Variants in MSR1 observed in about 807,000 individuals in gnomAD.
MSR1 encodes macrophage scavenger receptor types I and II.
Under a neutral mutation model 47.2 loss-of-function variants are expected in MSR1, and 53 were observed. The ratio of observed to expected loss-of-function variants is 1.12; its 90% CI spans 0.90 to 1.41. The LOEUF (loss-of-function observed/expected upper bound fraction) is 1.41, where lower values mean the gene tolerates loss of function less well. MSR1 is among the 40% of genes most tolerant of loss of function. MSR1 has a pLI of 0.00. For missense variants in MSR1, 786 were observed against 546.9 expected, an observed-to-expected ratio of 1.44 and a Z score of -4.36; for synonymous variants, 239 against 185.6, an observed-to-expected ratio of 1.29 and a Z score of -2.34.
chr8:16,149,420 G>A (rs568312053), intron 7 of MSR1, among the ~76,000 whole-genome samples: 1 of 151,794 alleles, frequency 6.6e-6, no homozygotes, highest in Non-Finnish European at 1.5e-5. Context: ...TTAGAGACAG[G>A]GCCTCACTAT....
At chr8:16,156,235 T>C (rs1385126804) in intron 5 of MSR1, among the ~76,000 whole-genome samples, 1 of 151,994 alleles carries the variant, frequency 6.6e-6, no homozygotes, top group Admixed American at 6.6e-5. Flanking sequence ...AATTGCTAGT[T>C]TGGACACATA....
At chr8:16,171,315 CAGTT>C (rs1361317528) in intron 3 of MSR1, among the ~76,000 whole-genome samples, 3 of 150,698 alleles carry the variant, frequency 2.0e-5, no homozygotes, top group Non-Finnish European at 4.4e-5. Flanking sequence ...CCTAAATATG[CAGTT>C]AAATTCTAAT....
intron 1 of MSR1, chr8:16,186,320 C>G (rs1208762924): frequency 1.2e-6 from 1 of 848,586 alleles, no homozygotes; most frequent in African/African-American, 1.7e-5. Flanking sequence ...TTTTCACTCC[C>G]TTGGTGATCT....
At chr8:16,160,373 A>T (rs1484405327) in intron 5 of MSR1, among the ~76,000 whole-genome samples, 1 of 152,098 alleles carries the variant, frequency 6.6e-6, no homozygotes, top group African/African-American at 2.4e-5. Flanking sequence ...TATAGAGTGT[A>T]ACTTGCTAAG....
chr8:16,126,281 C>G (rs1800126478), intron 8 of MSR1, among the ~76,000 whole-genome samples: 2 of 152,112 alleles, frequency 1.3e-5, no homozygotes, highest in Non-Finnish European at 2.9e-5. Flanking sequence ...GTGTCAATTA[C>G]CACTACTCAG....
intron 1 of MSR1, among the ~76,000 whole-genome samples, chr8:16,187,231 C>G (rs1018565459): frequency 6.6e-6 from 1 of 151,380 alleles, no homozygotes; most frequent in African/African-American, 2.4e-5. Context: ...AGTGTGGTGG[C>G]GGGTACCTCT....
chr8:16,168,447 C>T lies in MSR1; in HGVS notation c.630+11G>A. On this transcript the variant is annotated intron_variant, in intron 4 of 9. Transcript: ENST00000262101. ...TTCCAGCAAGTGACCTTGCAGTCCA[C>T]AAACTCTTACCTCTTGTTGTTTGAA... is the stretch of plus-strand genomic sequence containing the variant. 1.2e-6 allele frequency: 2 copies of T among 1,614,004 alleles called. No homozygotes were observed. The highest frequency in any genetic ancestry group is 8.5e-7 in the Non-Finnish European group (1 of 1,179,966).
intron 1 of MSR1, among the ~76,000 whole-genome samples, chr8:16,187,929 T>C (rs1232815805): frequency 6.6e-6 from 1 of 152,298 alleles, no homozygotes; most frequent in East Asian, 1.9e-4. Flanking sequence ...ATTGTAATTT[T>C]TTAGTAACGT....
chr8:16,150,616 A>G (rs1800829897), intron 6 of MSR1, among the ~76,000 whole-genome samples: 1 of 152,098 alleles, frequency 6.6e-6, no homozygotes, highest in Non-Finnish European at 1.5e-5. Flanking sequence ...TCAACCAGTA[A>G]TCATCAAATG....
rs776446066 is a variant in MSR1 at position 16,177,844 on chromosome 8, C to CT, written c.103+41dup. 4 of 1,504,850 alleles carry CT rather than the reference C, an allele frequency of 2.7e-6. 1 individual carries two copies. In the South Asian group the frequency reaches 3.4e-5, roughly 13 times the overall value. The allele number at this position is 1,504,850 out of a possible 1,614,324, so 93.2% of individuals were successfully genotyped here. A position where few individuals can be genotyped will look rare whatever the true frequency, so the allele number is the denominator to read the frequency against. The stretch of plus-strand genomic sequence containing the variant: ...ATAATTTTATATTTTGTCAATAACT[C>CT]TAAGAACAACCTCCATGGGCAGCCC... On this transcript the variant is annotated intron_variant, in intron 2 of 9. Transcript: ENST00000262101.
Position 16,177,960 on chromosome 8 carries a change from T to A in MSR1, c.29A>T (p.Gln10Leu). The A allele has an allele frequency of 1.2e-6, 2 of 1,613,928 alleles. No homozygotes were observed. Among genetic ancestry groups the A allele is most frequent in the Non-Finnish European group, 1.7e-6 (2 of 1,179,912 alleles). The change falls in exon 2 of 10, where the codon CAA (glutamine) becomes CTA (leucine). Residue 10 changes from glutamine to leucine, a missense_variant. Gln to Leu is a moderately radical substitution (Grantham distance 113). Transcript: ENST00000262101. ...GGAGCAGCTATCAGTGTCCTCCTGT[T>A]GATTGTGAAAGTGATCCCACTGCTC... The part of the protein sequence containing the change: MEQWDHFHN[Q>L]QEDTDSCSES...
intron 2 of MSR1, among the ~76,000 whole-genome samples, chr8:16,177,486 C>T (rs1179497177): frequency 6.6e-6 from 1 of 151,898 alleles, no homozygotes; most frequent in Non-Finnish European, 1.5e-5. Flanking sequence ...CTGACACCTG[C>T]ATTTTAGACT....
At chr8:16,140,305 C>G (rs1800520371) in intron 8 of MSR1, 1 of 984,640 alleles carries the variant, frequency 1.0e-6, no homozygotes, top group African/African-American at 1.8e-5. Context: ...AAAAAAAAGC[C>G]CTTGACTCAG....
chr8:16,118,472 T>C (rs530504152), intron 9 of MSR1, among the ~76,000 whole-genome samples: 22 of 152,278 alleles, frequency 1.4e-4, no homozygotes, highest in Admixed American at 1.2e-3. Flanking sequence ...GTGGCGTGGC[T>C]CACACCTGTA....
In MSR1 at chr8:16,160,271, G is replaced by C. The variant is rs561316918; in HGVS notation, c.817+3794C>G. On this transcript the variant is annotated intron_variant, in intron 5 of 9. Coordinates refer to ENST00000262101, the MANE Select transcript of MSR1 (RefSeq NM_138715.3). Reference sequence around the variant, plus strand: ...TATAAAGAAATGACAAAGGAACAGAGAATACAGAATGTTGAGAACTAATGG... The same window carrying C: ...TATAAAGAAATGACAAAGGAACAGACAATACAGAATGTTGAGAACTAATGG... Among the ~76,000 whole-genome samples, 3 of 152,088 alleles carry C rather than the reference G, an allele frequency of 2.0e-5. No homozygotes were observed. The South Asian group carries it at 6.2e-4, about 32-fold the overall frequency.
chr8:16,135,023 A>C (rs1383292584), intron 8 of MSR1, among the ~76,000 whole-genome samples: 1 of 152,176 alleles, frequency 6.6e-6, no homozygotes, highest in Non-Finnish European at 1.5e-5. Context: ...TTAAGGAAAG[A>C]AGCCATCTCC....
intron 8 of MSR1, among the ~76,000 whole-genome samples, chr8:16,134,575 C>T (rs559084992): frequency 6.6e-6 from 1 of 152,080 alleles, no homozygotes; most frequent in Admixed American, 6.6e-5. Context: ...TTCCCTGAGA[C>T]ACAGCAATAT....
intron 9 of MSR1, 54 bp from the exon 10 acceptor site, chr8:16,110,272 T>A (rs1415785290): frequency 3.1e-6 from 5 of 1,594,674 alleles, no homozygotes; most frequent in East Asian, 2.2e-5. Flanking sequence ...GTGTTTCTCT[T>A]TGAGTGGGGC....
At chr8:16,187,910 G>T (rs896692976) in intron 1 of MSR1, among the ~76,000 whole-genome samples, 85 of 152,046 alleles carry the variant, frequency 5.6e-4, no homozygotes, top group African/African-American at 1.9e-3. Context: ...GCTTACTCTG[G>T]TTATAATCAT....
Sources: gnomAD v4.1 joint callset for allele counts (sites outside exome capture counted in the v4.1 genomes callset) on GRCh38, gnomAD v4.1.1 for gene constraint, MANE v1.5 for transcripts, NCBI Gene and HGNC (gene_info 2026-07-23, HGNC 2026-07-21) for gene names.